Variants in CACNA1E observed in about 807,000 individuals in gnomAD.
CACNA1E encodes the protein voltage-dependent R-type calcium channel subunit alpha-1E.
CACNA1E carries 40 observed loss-of-function variants against 259.2 expected under a neutral mutation model. That is an observed-to-expected ratio of 0.15 (90% CI 0.12 to 0.20). The LOEUF (loss-of-function observed/expected upper bound fraction) is 0.20. Among genes scored for constraint, CACNA1E ranks in the 10% least tolerant of loss-of-function variants. The probability of loss-of-function intolerance (pLI) is 1.00; values close to 1 mark genes in which losing one functional copy is unlikely to be tolerated. For synonymous variants in CACNA1E, 1,104 were observed against 1,138.5 expected, an observed-to-expected ratio of 0.97 and a Z score of 0.61; for missense variants, 1,874 against 3,040.1, an observed-to-expected ratio of 0.62 and a Z score of 9.02.
chr1:181,363,073 C>T (rs1654008530), intron 1 of CACNA1E, among the ~76,000 whole-genome samples: 1 of 152,214 alleles, frequency 6.6e-6, no homozygotes, highest in African/African-American at 2.4e-5. Flanking sequence ...GGACCATCTA[C>T]AGGGGACAAA....
chr1:181,449,286 G>T (rs894134973), intron 2 of CACNA1E, among the ~76,000 whole-genome samples: 2 of 152,192 alleles, frequency 1.3e-5, no homozygotes, highest in African/African-American at 4.8e-5. Context: ...TCCCTGAGAT[G>T]CCTGCCACAG....
intron 2 of CACNA1E, among the ~76,000 whole-genome samples, chr1:181,439,701 C>T (rs533753119): frequency 2.0e-5 from 3 of 152,180 alleles, no homozygotes; most frequent in Admixed American, 2.0e-4. Context: ...GGGCAAGCCT[C>T]TCCCACAGAT....
intron 11 of CACNA1E, 80 bp from the exon 12 acceptor site, chr1:181,717,970 ATCCTC>A: frequency 3.0e-6 from 2 of 677,434 alleles, no homozygotes; most frequent in East Asian, 5.4e-5. Flanking sequence ...TTGTTGTGAG[ATCCTC>A]TGTAGGTGGG....
intron 6 of CACNA1E, among the ~76,000 whole-genome samples, chr1:181,631,190 A>T (rs535206836): frequency 6.6e-6 from 1 of 152,288 alleles, no homozygotes; most frequent in African/African-American, 2.4e-5. Context: ...TCAGTTAATT[A>T]GGTAACTATA....
intron 2 of CACNA1E, among the ~76,000 whole-genome samples, chr1:181,449,038 AGATAG>A (rs1660980350): frequency 6.6e-6 from 1 of 152,164 alleles, no homozygotes; most frequent in South Asian, 2.1e-4. Context: ...GGGTGCAAGG[AGATAG>A]GATGGGGCAG....
intron 38 of CACNA1E, among the ~76,000 whole-genome samples, chr1:181,780,941 G>T (rs541740774): frequency 6.6e-6 from 1 of 152,308 alleles, no homozygotes; most frequent in African/African-American, 2.4e-5. Flanking sequence ...CAGCGCCCCA[G>T]CCGGGGTCAG....
chr1:181,542,313 A>G (rs1324177475), intron 3 of CACNA1E, among the ~76,000 whole-genome samples: 1 of 152,244 alleles, frequency 6.6e-6, no homozygotes, highest in Non-Finnish European at 1.5e-5. Flanking sequence ...AGAAGTGTTA[A>G]TAGATAATTA....
rs1464294432 is a variant in CACNA1E at position 181,806,326 on chromosome 1, G to T, written c.*7492G>T. 2 of 152,258 alleles carry T rather than the reference G, an allele frequency of 1.3e-5. No homozygotes were observed. Among genetic ancestry groups the T allele is most frequent in the African/African-American group, 4.8e-5 (2 of 41,454 alleles). 9.4% of individuals were successfully genotyped at this position (152,258 alleles called of 1,614,324 possible). ...CTAGCCTCAAATAACAACATTGCAA[G>T]GAGGTGGACTACAGGGTCCACACCC... On this transcript the variant is annotated 3_prime_UTR_variant, in exon 48 of 48. Transcript: ENST00000367573.
At chr1:181,649,514 A>G (rs1176382755) in intron 6 of CACNA1E, among the ~76,000 whole-genome samples, 2 of 152,186 alleles carry the variant, frequency 1.3e-5, no homozygotes, top group African/African-American at 4.8e-5. Flanking sequence ...TTACAACCCA[A>G]AGGAATATAA....
At chr1:181,525,090 T>TAG (rs1195798691) in intron 3 of CACNA1E, among the ~76,000 whole-genome samples, 1 of 152,226 alleles carries the variant, frequency 6.6e-6, no homozygotes, top group Non-Finnish European at 1.5e-5. Context: ...GTCTGATGTG[T>TAG]AGATAGTATA....
intron 27 of CACNA1E, among the ~76,000 whole-genome samples, chr1:181,753,729 C>G (rs977760595): frequency 6.6e-6 from 1 of 152,186 alleles, no homozygotes; most frequent in African/African-American, 2.4e-5. Context: ...ACTCTTTGCC[C>G]ACGCCTACCC....
At chr1:181,525,148 A>T (rs1667263824) in intron 3 of CACNA1E, among the ~76,000 whole-genome samples, 1 of 152,208 alleles carries the variant, frequency 6.6e-6, no homozygotes, top group Non-Finnish European at 1.5e-5. Flanking sequence ...TGATCAGAAG[A>T]AAAAACTGGG....
At position 181,763,490 on chromosome 1, in the gene CACNA1E, A is replaced by G; in HGVS notation, c.4774A>G (p.Thr1592Ala). 3 of 1,598,472 alleles carry G rather than the reference A, an allele frequency of 1.9e-6. No homozygotes were observed. The highest frequency in any genetic ancestry group is 2.6e-6 in the Non-Finnish European group (3 of 1,167,408). Reference sequence around the variant, plus strand: ...CATAAAGCTCCTGCGTCAGGGCTATACCATACGCATTTTGCTGTGGACCTT... The same window carrying G: ...CATAAAGCTCCTGCGTCAGGGCTATGCCATACGCATTTTGCTGTGGACCTT... ...RLIKLLRQGY[T>A]IRILLWTFVQ... Residue 1592 changes from threonine (T) to alanine (A), a missense_variant, in exon 34 of 48, where the codon ACC (threonine) becomes GCC (alanine). Transcript: ENST00000367573.
intron 3 of CACNA1E, among the ~76,000 whole-genome samples, chr1:181,526,324 T>C (rs571979446): frequency 6.6e-5 from 10 of 151,898 alleles, no homozygotes; most frequent in African/African-American, 2.2e-4. Context: ...AGGATTCCAA[T>C]GAGGAAGCCT....
At chr1:181,710,015 C>T (rs557666633) in intron 7 of CACNA1E, among the ~76,000 whole-genome samples, 1 of 152,242 alleles carries the variant, frequency 6.6e-6, no homozygotes, top group South Asian at 2.1e-4. Flanking sequence ...TTTGATCCTC[C>T]TCTTCTCTAT....
chr1:181,507,758 T>C (rs138541059), intron 1 of CACNA1E, among the ~76,000 whole-genome samples: 1 of 152,318 alleles, frequency 6.6e-6, no homozygotes, highest in African/African-American at 2.4e-5. Context: ...CCCATTAGAA[T>C]GCGAGAGGTC....
chr1:181,591,416 C>A (rs1326786190), intron 6 of CACNA1E, among the ~76,000 whole-genome samples: 1 of 152,130 alleles, frequency 6.6e-6, no homozygotes, highest in Non-Finnish European at 1.5e-5. Flanking sequence ...TACTGTGAAA[C>A]TAAAATAAAA....
intron 1 of CACNA1E, among the ~76,000 whole-genome samples, chr1:181,367,503 T>G (rs1404262946): frequency 6.7e-6 from 1 of 150,364 alleles, no homozygotes; most frequent in Non-Finnish European, 1.5e-5. Flanking sequence ...AAATAAAGCT[T>G]GAAACTTTCC....
chr1:181,601,742 C>G (rs1009391689), intron 6 of CACNA1E, among the ~76,000 whole-genome samples: 1 of 152,194 alleles, frequency 6.6e-6, no homozygotes, highest in African/African-American at 2.4e-5. Context: ...TCAGAACATC[C>G]TTATGATCCT....
Sources: gnomAD v4.1 joint callset for allele counts (sites outside exome capture counted in the v4.1 genomes callset) on GRCh38, gnomAD v4.1.1 for gene constraint, MANE v1.5 for transcripts, NCBI Gene and HGNC (gene_info 2026-07-23, HGNC 2026-07-21) for gene names.